Variants in MGLL observed in about 807,000 individuals in gnomAD.
The protein encoded by MGLL is lysophospholipase homolog.
MGLL carries 7 observed loss-of-function variants against 29.1 expected under a neutral mutation model. The ratio of observed to expected loss-of-function variants is 0.24; its 90% CI spans 0.14 to 0.45. MGLL has a LOEUF of 0.45. Among genes scored for constraint, MGLL ranks in the 20% least tolerant of loss-of-function variants. The pLI, the probability that MGLL is intolerant of heterozygous loss-of-function variation, is 0.99. For missense variants in MGLL, 356 were observed against 413.6 expected (o/e 0.86, Z 1.21); for synonymous variants, 148 against 168.3 (o/e 0.88, Z 0.93).
intron 6 of MGLL, 113 bp from the exon 7 acceptor site, chr3:127,695,303 C>G: frequency 9.0e-7 from 1 of 1,111,848 alleles, no homozygotes; most frequent in Non-Finnish European, 1.3e-6. Context: ...TGATTCCATT[C>G]AGGTCAGCTG....
At chr3:127,800,176 G>A (rs780045523) in intron 2 of MGLL, among the ~76,000 whole-genome samples, 1 of 152,210 alleles carries the variant, frequency 6.6e-6, no homozygotes, top group Non-Finnish European at 1.5e-5. Flanking sequence ...CTAAGTGGTG[G>A]TGGGGCAACA....
intron 3 of MGLL, among the ~76,000 whole-genome samples, chr3:127,755,878 C>G (rs1048298242): frequency 1.7e-4 from 26 of 152,142 alleles, no homozygotes; most frequent in African/African-American, 6.3e-4. Flanking sequence ...TACCCAATAT[C>G]CACTCTCTCT....
In MGLL at chr3:127,778,546, C is replaced by T. The variant is rs9856883; in HGVS notation, c.262+3243G>A. On this transcript the variant is annotated intron_variant, in intron 3 of 7. Transcript: ENST00000265052. ...GTGTATTAGTGTCTGAGCCCTTCTG[C>T]TGTCTGGGATGAAAGTGCAGTAGCA... is the stretch of plus-strand genomic sequence containing the variant. 5.4e-3 allele frequency among the ~76,000 whole-genome samples: 823 copies of T among 152,322 alleles called. 9 individuals carry two copies. Among genetic ancestry groups the T allele is most frequent in the African/African-American group, 0.019 (784 of 41,566 alleles).
At chr3:127,723,014 A>G (rs1172010642) in intron 3 of MGLL, among the ~76,000 whole-genome samples, 1 of 152,244 alleles carries the variant, frequency 6.6e-6, no homozygotes, top group Non-Finnish European at 1.5e-5. Context: ...GTAGAGTGGT[A>G]CACTCAGCCC....
At chr3:127,727,717 A>C (rs568230738) in intron 3 of MGLL, among the ~76,000 whole-genome samples, 5 of 151,732 alleles carry the variant, frequency 3.3e-5, no homozygotes, top group Middle Eastern at 3.4e-3. Context: ...AAAAAAAAAA[A>C]AAAAAAAAAA....
intron 2 of MGLL, among the ~76,000 whole-genome samples, chr3:127,798,957 C>G (rs1185209935): frequency 4.6e-5 from 7 of 152,184 alleles, no homozygotes; most frequent in African/African-American, 7.2e-5. Flanking sequence ...GGAGCAGTCT[C>G]AGGAGCATTG....
intron 3 of MGLL, among the ~76,000 whole-genome samples, chr3:127,732,657 G>C (rs1190201795): frequency 6.6e-6 from 1 of 152,220 alleles, no homozygotes; most frequent in Non-Finnish European, 1.5e-5. Flanking sequence ...AGGGACAGGT[G>C]GTTCACACTC....
At chr3:127,763,325 C>T (rs534655885) in intron 3 of MGLL, among the ~76,000 whole-genome samples, 16 of 152,318 alleles carry the variant, frequency 1.1e-4, no homozygotes, top group East Asian at 3.9e-4. Flanking sequence ...AAGACCGAAA[C>T]GGCTTCTTCT....
chr3:127,730,019 C>A (rs1432317501), intron 3 of MGLL, among the ~76,000 whole-genome samples: 1 of 152,238 alleles, frequency 6.6e-6, no homozygotes, highest in African/African-American at 2.4e-5. Flanking sequence ...AATTGGCTCT[C>A]CTTCACATAG....
At chr3:127,750,743 T>C (rs17203659) in intron 3 of MGLL, among the ~76,000 whole-genome samples, 18,507 of 152,212 alleles carry the variant, frequency 0.12, 1,240 homozygotes, top group Non-Finnish European at 0.15. Context: ...CCAAGATTTC[T>C]ACAATGAACT....
intron 3 of MGLL, among the ~76,000 whole-genome samples, chr3:127,771,388 G>T (rs907885889): frequency 6.6e-5 from 10 of 152,076 alleles, no homozygotes; most frequent in African/African-American, 2.2e-4. Flanking sequence ...TCGCTCTGTC[G>T]CCCAGGTTGG....
At chr3:127,709,879 G>A (rs2075676426) in intron 6 of MGLL, among the ~76,000 whole-genome samples, 1 of 152,140 alleles carries the variant, frequency 6.6e-6, no homozygotes, top group South Asian at 2.1e-4. Context: ...GTCATCCCAC[G>A]TTATGGGGCT....
intron 3 of MGLL, among the ~76,000 whole-genome samples, chr3:127,726,191 A>AAG (rs2076039650): frequency 6.4e-5 from 2 of 31,078 alleles, no homozygotes; most frequent in African/African-American, 1.2e-4. Flanking sequence ...AAAGAAAAGA[A>AAG]AAGAAAGAAA....
intron 3 of MGLL, among the ~76,000 whole-genome samples, chr3:127,768,345 A>G (rs536260106): frequency 1.1e-4 from 16 of 152,308 alleles, no homozygotes; most frequent in Admixed American, 7.2e-4. Context: ...CCATAACAAA[A>G]AACAGACTGC....
chr3:127,694,874 G>A (rs1017508419), intron 7 of MGLL, 101 bp downstream of exon 7: 40 of 1,133,802 alleles, frequency 3.5e-5, no homozygotes, highest in Non-Finnish European at 4.9e-5. Flanking sequence ...CTGAGACCTG[G>A]GAGGTGGCCC....
chr3:127,761,089 C>G lies in MGLL; in HGVS notation c.262+20700G>C, dbSNP rs1008607684. Among the ~76,000 whole-genome samples, 5 of 152,222 alleles carry G rather than the reference C, an allele frequency of 3.3e-5. No homozygotes were observed. Among genetic ancestry groups the G allele is most frequent in the Non-Finnish European group, 5.9e-5 (4 of 68,050 alleles). On this transcript the variant is annotated intron_variant, in intron 3 of 7. Coordinates refer to ENST00000265052, the MANE Select transcript of MGLL (RefSeq NM_007283.7). The surrounding 1 kb of genome is among the most constrained non-coding windows in gnomAD (Gnocchi z 4.6). ...AGAAACCATCATTTCTGTGAAATGC[C>G]TTGTAATTCTGCAAGCCTTCACTGA...
intron 2 of MGLL, among the ~76,000 whole-genome samples, chr3:127,812,362 T>G (rs1297705852): frequency 6.6e-6 from 1 of 152,280 alleles, no homozygotes; most frequent in African/African-American, 2.4e-5. Context: ...TTTCTTGTTT[T>G]GTTTACTTTT....
intron 3 of MGLL, among the ~76,000 whole-genome samples, chr3:127,769,403 C>G (rs1185033672): frequency 2.0e-5 from 3 of 151,720 alleles, no homozygotes; most frequent in African/African-American, 4.8e-5. Flanking sequence ...AAGCTTCCTA[C>G]AAATCAATTT....
At position 127,694,632 on chromosome 3, in the gene MGLL, C is replaced by T. The variant is rs982152391; in HGVS notation, c.816+343G>A. Among the ~76,000 whole-genome samples the T allele has an allele frequency of 4.6e-5, 7 of 152,216 alleles. No homozygotes were observed. In the Middle Eastern group the frequency reaches 0.014, roughly 296 times the overall value. ...CCACTGGTGCAGAGGGAGGCTTGGG[C>T]ATCACACGTGTCCTTGGAGCTTGGA... On this transcript the variant is annotated intron_variant, in intron 7 of 7. Transcript: ENST00000265052.
Sources: gnomAD v4.1 joint callset for allele counts (sites outside exome capture counted in the v4.1 genomes callset) on GRCh38, gnomAD v4.1.1 for gene constraint, Gnocchi (gnomAD v3.1) non-coding constraint, MANE v1.5 for transcripts, NCBI Gene and HGNC (gene_info 2026-07-23, HGNC 2026-07-21) for gene names.